Variants in ASCC3 observed in about 807,000 individuals in gnomAD.
ASCC3 encodes ASC-1 complex subunit P200.
In ASCC3, 158 loss-of-function variants were observed where a neutral mutation model predicts 256.3. That is an observed-to-expected ratio of 0.62 (90% CI 0.54 to 0.70). ASCC3 has a LOEUF of 0.70. Ranked by LOEUF, ASCC3 falls within the 30% of genes least tolerant of loss-of-function variation. ASCC3 has a pLI of 0.00. For synonymous variants in ASCC3, 948 were observed against 883.4 expected, an observed-to-expected ratio of 1.07 and a Z score of -1.30; for missense variants, 2,259 against 2,626.0, an observed-to-expected ratio of 0.86 and a Z score of 3.05.
chr6:100,609,541 TTAAAG>T (rs201402864), intron 30 of ASCC3, among the ~76,000 whole-genome samples: 2,340 of 152,212 alleles, frequency 0.015, 22 homozygotes, highest in East Asian at 0.044. Flanking sequence ...TGGAAAATAC[TTAAAG>T]TAACACAAAT....
chr6:100,851,213 C>T (rs1430692021), intron 3 of ASCC3, among the ~76,000 whole-genome samples: 1 of 152,042 alleles, frequency 6.6e-6, no homozygotes, highest in Non-Finnish European at 1.5e-5. Context: ...AGTTATTTCC[C>T]CTATGTCACA....
chr6:100,770,975 CA>C (rs1260827615), intron 8 of ASCC3, among the ~76,000 whole-genome samples: 4 of 150,394 alleles, frequency 2.7e-5, no homozygotes, highest in Admixed American at 6.6e-5. Flanking sequence ...CTAGAAGGAA[CA>C]AAACAACTTT....
At chr6:100,863,981 C>T (rs1000032507) in intron 3 of ASCC3, 83 bp downstream of exon 3, 3 of 1,223,080 alleles carry the variant, frequency 2.5e-6, no homozygotes, top group Non-Finnish European at 3.3e-6. Flanking sequence ...CTTTCCTTTA[C>T]ATAGTATGTT....
At chr6:100,589,358 T>C (rs1771868638) in intron 36 of ASCC3, among the ~76,000 whole-genome samples, 1 of 152,060 alleles carries the variant, frequency 6.6e-6, no homozygotes, top group Non-Finnish European at 1.5e-5. Context: ...GGGTGATGAC[T>C]TGCCTTGCTC....
In ASCC3 at chr6:100,590,008, G is replaced by C; in HGVS notation, c.5355C>G (p.Ser1785=). The part of the protein sequence containing the change: ...VSHDSVNKFL[S]HLIEKSLIEL... ...CAATCAGGGACTTCTCAATCAGATG[G>C]GACAGAAACTTGTTCACAGAATCAT... Residue 1785 remains serine, a synonymous_variant, in exon 35 of 42, where the codon TCC becomes TCG. Transcript: ENST00000369162. 6.2e-7 allele frequency: 1 copy of C among 1,613,462 alleles called. No homozygotes were observed. Among genetic ancestry groups the C allele is most frequent in the South Asian group, 1.1e-5 (1 of 91,052 alleles).
intron 25 of ASCC3, among the ~76,000 whole-genome samples, chr6:100,635,733 A>G (rs1774809670): frequency 6.6e-6 from 1 of 152,114 alleles, no homozygotes; most frequent in Non-Finnish European, 1.5e-5. Context: ...TATACTAGGA[A>G]AGAGTTAAAA....
chr6:100,685,646 C>T (rs1178675401), intron 13 of ASCC3, among the ~76,000 whole-genome samples: 1 of 152,192 alleles, frequency 6.6e-6, no homozygotes, highest in Non-Finnish European at 1.5e-5. Context: ...CAAATACCAT[C>T]TTCTGAAGAA....
At chr6:100,769,329 T>A (rs1294186339) in intron 8 of ASCC3, among the ~76,000 whole-genome samples, 1 of 151,914 alleles carries the variant, frequency 6.6e-6, no homozygotes, top group African/African-American at 2.4e-5. Context: ...TAACAAATAA[T>A]AATATATATT....
At chr6:100,561,128 GA>G (rs1400783536) in intron 36 of ASCC3, among the ~76,000 whole-genome samples, 200 of 107,082 alleles carry the variant, frequency 1.9e-3, no homozygotes, top group Middle Eastern at 4.9e-3. Context: ...TCTCCAAAAA[GA>G]AAAAAAAAAA....
intron 30 of ASCC3, among the ~76,000 whole-genome samples, chr6:100,608,731 TTATATATATATATA>T (rs1169558095): frequency 0.038 from 104 of 2,712 alleles, 23 homozygotes; most frequent in African/African-American, 0.097. Flanking sequence ...TATATATACT[TTATATATATATATA>T]TATATATATA....
At chr6:100,581,899 T>A (rs1389060951) in intron 36 of ASCC3, among the ~76,000 whole-genome samples, 3 of 151,620 alleles carry the variant, frequency 2.0e-5, no homozygotes, top group African/African-American at 4.8e-5. Context: ...GTTGTAGATA[T>A]GCGGTGTTAT....
intron 4 of ASCC3, among the ~76,000 whole-genome samples, chr6:100,824,717 G>A (rs558837214): frequency 4.0e-5 from 6 of 149,860 alleles, no homozygotes; most frequent in Non-Finnish European, 7.4e-5. Context: ...TATGGTACAT[G>A]ATAATATCAA....
At chr6:100,529,347 C>T (rs779138387) in intron 37 of ASCC3, among the ~76,000 whole-genome samples, 39 of 152,016 alleles carry the variant, frequency 2.6e-4, no homozygotes, top group Non-Finnish European at 4.7e-4. Context: ...GTGGTTAATT[C>T]ATTAGTTTAT....
intron 5 of ASCC3, among the ~76,000 whole-genome samples, chr6:100,800,914 A>G (rs1382883695): frequency 6.6e-6 from 1 of 151,932 alleles, no homozygotes; most frequent in Non-Finnish European, 1.5e-5. Flanking sequence ...TATTAGACAT[A>G]AATTTTTACT....
intron 37 of ASCC3, among the ~76,000 whole-genome samples, chr6:100,532,090 C>T (rs1774905773): frequency 6.6e-6 from 1 of 150,874 alleles, no homozygotes; most frequent in African/African-American, 2.4e-5. Context: ...TGATGAGCCA[C>T]GAAATTCAAT....
At chr6:100,543,512 A>G (rs1775565443) in intron 36 of ASCC3, among the ~76,000 whole-genome samples, 1 of 152,292 alleles carries the variant, frequency 6.6e-6, no homozygotes, top group African/African-American at 2.4e-5. Flanking sequence ...AAAGGAATAG[A>G]AAAAGATATA....
intron 36 of ASCC3, among the ~76,000 whole-genome samples, chr6:100,556,642 T>A (rs1002273269): frequency 6.6e-6 from 1 of 152,168 alleles, no homozygotes; most frequent in Non-Finnish European, 1.5e-5. Context: ...TTCTTTATTA[T>A]GTATATAATT....
At chr6:100,598,024 T>C (rs537860042) in intron 34 of ASCC3, among the ~76,000 whole-genome samples, 1 of 150,356 alleles carries the variant, frequency 6.7e-6, no homozygotes, top group African/African-American at 2.4e-5. Context: ...TGAAAATCAG[T>C]TGAAGCTACA....
chr6:100,728,961 A>G (rs1779767148), intron 10 of ASCC3, among the ~76,000 whole-genome samples: 1 of 152,308 alleles, frequency 6.6e-6, no homozygotes, highest in East Asian at 1.9e-4. Flanking sequence ...AAAGTCAACA[A>G]GAAGGCAGTG....
Sources: allele counts gnomAD v4.1 joint callset (sites outside exome capture counted in the v4.1 genomes callset), GRCh38; gene constraint gnomAD v4.1.1; transcripts MANE v1.5; gene names NCBI Gene and HGNC (gene_info 2026-07-23, HGNC 2026-07-21).